The following ABCC1 variants were observed in gnomAD, a reference collection of about 807,000 sequenced individuals.
ABCC1 encodes the protein multidrug resistance-associated protein 1.
A neutral mutation model predicts 172.9 loss-of-function variants in ABCC1; 83 were observed. The ratio of observed to expected loss-of-function variants is 0.48; its 90% confidence interval spans 0.40 to 0.58. ABCC1 has a LOEUF of 0.58. Ranked by LOEUF, ABCC1 falls within the 20% of genes least tolerant of loss-of-function variation. The probability of loss-of-function intolerance (pLI) is 0.00; values close to 1 mark genes in which losing one functional copy is unlikely to be tolerated. For missense variants in ABCC1, 1,817 were observed against 2,002.7 expected, an observed-to-expected ratio of 0.91 and a Z score of 1.77; for synonymous variants, 937 against 825.2, an observed-to-expected ratio of 1.14 and a Z score of -2.32.
In ABCC1 at chr16:16,103,823, C is replaced by T. The variant is rs186572169; in HGVS notation, c.2735+1106C>T. ...TTATCATCCGGACATGGTTATGGTC[C>T]GGAATTGGTGGGTCTTGGTCTCACT... On this transcript the variant is annotated intron_variant, in intron 20 of 30. Transcript: ENST00000399410. 7.8e-4 allele frequency among the ~76,000 whole-genome samples: 119 copies of T among 152,188 alleles called. No individual in the cohort carries two copies. The South Asian group carries it at 0.022, about 28-fold the overall frequency.
At chr16:16,000,295 T>TATA (rs1224171412) in intron 1 of ABCC1, among the ~76,000 whole-genome samples, 1 of 151,226 alleles carries the variant, frequency 6.6e-6, no homozygotes, top group Non-Finnish European at 1.5e-5. Context: ...TATAGGCGAG[T>TATA]TCACCATGCC....
chr16:16,087,991 A>G (rs2051080472), intron 18 of ABCC1, among the ~76,000 whole-genome samples: 2 of 152,230 alleles, frequency 1.3e-5, no homozygotes, highest in Middle Eastern at 6.3e-3. Flanking sequence ...CATACATACC[A>G]CTAACATTCT....
rs45470896 is a variant in ABCC1, at chr16:16,046,489, C to T, written c.1218+476C>T. On this transcript the variant is annotated intron_variant, in intron 9 of 30. Coordinates refer to ENST00000399410, the MANE Select transcript of ABCC1 (RefSeq NM_004996.4). ...CCTCCTGAGTAGCGGGGACTACAGG[C>T]GCCTGCCACCACGACCGGCTAATTT... Among the ~76,000 whole-genome samples the T allele has an allele frequency of 7.3e-3, 1,114 of 152,184 alleles. 13 individuals carry two copies. The highest frequency in any genetic ancestry group is 0.025 in the African/African-American group (1,044 of 41,528).
intron 1 of ABCC1, among the ~76,000 whole-genome samples, chr16:15,954,655 CAG>C: frequency 6.6e-6 from 1 of 152,302 alleles, no homozygotes; most frequent in South Asian, 2.1e-4. Context: ...ACTGCAGCCA[CAG>C]GGGCCCTGCA....
intron 1 of ABCC1, among the ~76,000 whole-genome samples, chr16:15,999,932 G>C (rs1351490656): frequency 6.9e-6 from 1 of 145,174 alleles, no homozygotes; most frequent in Non-Finnish European, 1.5e-5. Flanking sequence ...TGGGCTCACT[G>C]CAACCTCTGC....
chr16:15,961,652 C>T (rs1233890677), intron 1 of ABCC1, among the ~76,000 whole-genome samples: 1 of 152,068 alleles, frequency 6.6e-6, no homozygotes, highest in East Asian at 1.9e-4. Context: ...TTCATTTTTT[C>T]CCTCCCTAGT....
At chr16:15,957,781 C>T (rs901600428) in intron 1 of ABCC1, among the ~76,000 whole-genome samples, 2 of 152,066 alleles carry the variant, frequency 1.3e-5, no homozygotes, top group Non-Finnish European at 2.9e-5. Flanking sequence ...TTGATAGAAA[C>T]GGGGTTTCCA....
At chr16:16,096,870 A>G (rs1227482345) in intron 19 of ABCC1, among the ~76,000 whole-genome samples, 4 of 152,112 alleles carry the variant, frequency 2.6e-5, no homozygotes, top group Non-Finnish European at 5.9e-5. Flanking sequence ...TGGTGGTTGC[A>G]TGAACTCAGT....
intron 11 of ABCC1, 107 bp downstream of exon 11, chr16:16,052,923 T>G (rs1359351921): frequency 9.3e-7 from 1 of 1,073,520 alleles, no homozygotes; most frequent in East Asian, 2.4e-5. Context: ...TTCTCAGCCT[T>G]GCCTGCCAGT....
At chr16:15,984,258 T>G (rs756270737) in intron 1 of ABCC1, among the ~76,000 whole-genome samples, 1 of 152,126 alleles carries the variant, frequency 6.6e-6, no homozygotes, top group Non-Finnish European at 1.5e-5. Context: ...CAAGGTCCAG[T>G]TTTTAAGTGA....
rs904348628 is a variant in ABCC1, at chr16:16,058,614, G to T, written c.1677+2319G>T. On this transcript the variant is annotated intron_variant, in intron 12 of 30. Transcript: ENST00000399410. ...AGAGATGGTGTTCAAATTCAAGCCT[G>T]CATCAGAATCACCTGGAGAGCTTGT... Among the ~76,000 whole-genome samples the T allele has an allele frequency of 7.2e-5, 11 of 152,164 alleles. 1 individual carries two copies. Among genetic ancestry groups the T allele is most frequent in the Admixed American group, 7.2e-4 (11 of 15,272 alleles).
intron 1 of ABCC1, among the ~76,000 whole-genome samples, chr16:15,968,347 A>G (rs2046293624): frequency 6.6e-6 from 1 of 151,902 alleles, no homozygotes; most frequent in South Asian, 2.1e-4. Context: ...TCTAGAGACA[A>G]TCTTATTGGC....
intron 1 of ABCC1, among the ~76,000 whole-genome samples, chr16:15,955,762 C>T (rs1335813500): frequency 3.3e-5 from 5 of 152,132 alleles, no homozygotes; most frequent in East Asian, 1.9e-4. Context: ...TTCTAATACA[C>T]GTAATATTTT....
chr16:16,016,824 G>A (rs978097697), intron 5 of ABCC1, among the ~76,000 whole-genome samples: 1 of 152,202 alleles, frequency 6.6e-6, no homozygotes, highest in Non-Finnish European at 1.5e-5. Context: ...GAGAGAATCT[G>A]CTTTGTCATT....
Position 16,076,411 on chromosome 16 carries a change from G to A in ABCC1, c.1988+10G>A. The A allele has an allele frequency of 6.2e-7, 1 of 1,600,222 alleles. No homozygotes were observed. Among genetic ancestry groups the A allele is most frequent in the Non-Finnish European group, 8.5e-7 (1 of 1,174,436 alleles). The stretch of plus-strand genomic sequence containing the variant: ...CTCCCACACTGAATGGGTAAGCCGG[G>A]ACGTGGACACACGTGATGGTGTGGA... On this transcript the variant is annotated intron_variant, in intron 15 of 30. Transcript: ENST00000399410.
intron 7 of ABCC1, among the ~76,000 whole-genome samples, chr16:16,040,176 G>A (rs1024280616): frequency 6.6e-6 from 1 of 152,032 alleles, no homozygotes; most frequent in African/African-American, 2.4e-5. Context: ...GCTCATTGCA[G>A]CCTGGAAATT....
intron 1 of ABCC1, among the ~76,000 whole-genome samples, chr16:15,999,516 G>A (rs1325071684): frequency 6.6e-6 from 1 of 151,870 alleles, no homozygotes; most frequent in East Asian, 2.0e-4. Context: ...TCGGGAAGCT[G>A]AGGCAGGAGA....
At chr16:16,080,678 C>G (rs1212359638) in intron 16 of ABCC1, among the ~76,000 whole-genome samples, 6 of 152,198 alleles carry the variant, frequency 3.9e-5, no homozygotes, top group Admixed American at 3.3e-4. Context: ...CCAGCCCCCT[C>G]CCTCTTGGAG....
chr16:16,030,454 G>A (rs934991792), intron 5 of ABCC1, among the ~76,000 whole-genome samples: 1 of 152,158 alleles, frequency 6.6e-6, no homozygotes, highest in Non-Finnish European at 1.5e-5. Flanking sequence ...GAACCCAGGA[G>A]GCGGAGTTTG....
Sources: gnomAD v4.1 joint callset for allele counts (sites outside exome capture counted in the v4.1 genomes callset) on GRCh38, gnomAD v4.1.1 for gene constraint, MANE v1.5 for transcripts, NCBI Gene and HGNC (gene_info 2026-07-23, HGNC 2026-07-21) for gene names.